The following UMAD1 variants were observed in gnomAD, a reference collection of about 807,000 sequenced individuals.
The protein encoded by UMAD1 is UBAP1-MVB12-associated (UMA) domain containing 1, also known as UBAP1-MVB12-associated (UMA)-domain containing protein 1.
In UMAD1, 8 loss-of-function variants were observed where a neutral mutation model predicts 6.1. That is an observed-to-expected ratio of 1.30 (90% CI 0.76 to 2.35). UMAD1 has a LOEUF of 2.35. Among genes scored for constraint, UMAD1 ranks in the 30% most tolerant of loss-of-function variants. The pLI is 0.00. For missense variants in UMAD1, 130 were observed against 78.4 expected (o/e 1.66, Z -2.49); for synonymous variants, 56 against 31.4 (o/e 1.78, Z -2.61).
intron 3 of UMAD1, among the ~76,000 whole-genome samples, chr7:7,809,311 T>C (rs1449260689): frequency 6.6e-6 from 1 of 152,024 alleles, no homozygotes; most frequent in East Asian, 1.9e-4. Flanking sequence ...TCTTTTGAGC[T>C]AGGTATGGAA....
chr7:7,695,944 A>G (rs189412634), intron 2 of UMAD1, among the ~76,000 whole-genome samples: 215 of 150,644 alleles, frequency 1.4e-3, no homozygotes, highest in African/African-American at 4.6e-3. Context: ...ACCTTTGTCT[A>G]TAGGAGGCTC....
At chr7:7,675,354 A>C (rs1218887753) in intron 2 of UMAD1, among the ~76,000 whole-genome samples, 2 of 152,068 alleles carry the variant, frequency 1.3e-5, no homozygotes, top group Admixed American at 6.6e-5. Context: ...TCTGAGACAA[A>C]TTTTAACCAC....
chr7:7,798,393 T>C (rs552726989), intron 2 of UMAD1, among the ~76,000 whole-genome samples: 10 of 152,346 alleles, frequency 6.6e-5, no homozygotes, highest in African/African-American at 2.4e-4. Flanking sequence ...GGATAATTTT[T>C]ACATCTTGTA....
intron 2 of UMAD1, among the ~76,000 whole-genome samples, chr7:7,710,802 C>T (rs2115169194): frequency 6.6e-6 from 1 of 152,244 alleles, no homozygotes; most frequent in East Asian, 1.9e-4. Flanking sequence ...TATCCTTCAA[C>T]AGGTGAATGG....
chr7:7,817,926 A>T (rs534784184), intron 3 of UMAD1, among the ~76,000 whole-genome samples: 2 of 151,872 alleles, frequency 1.3e-5, no homozygotes, highest in Admixed American at 1.3e-4. Context: ...TGATCTTCTC[A>T]CCTCAGCCTC....
chr7:7,681,011 T>A (rs78778114), intron 2 of UMAD1, among the ~76,000 whole-genome samples: 2,730 of 152,256 alleles, frequency 0.018, 81 homozygotes, highest in African/African-American at 0.063. Flanking sequence ...GTGCAATACG[T>A]ACATTACAGA....
chr7:7,786,151 T>A (rs1782457164), intron 2 of UMAD1, among the ~76,000 whole-genome samples: 1 of 152,212 alleles, frequency 6.6e-6, no homozygotes, highest in South Asian at 2.1e-4. Context: ...TTTGTCCCAG[T>A]GATGTCCTTT....
intron 3 of UMAD1, among the ~76,000 whole-genome samples, chr7:7,815,281 G>A (rs1783104288): frequency 6.6e-6 from 1 of 152,062 alleles, no homozygotes; most frequent in Admixed American, 6.5e-5. Flanking sequence ...GAGTCAATAT[G>A]TAATATTTAT....
At chr7:7,730,221 C>T (rs867948283) in intron 2 of UMAD1, among the ~76,000 whole-genome samples, 1 of 152,178 alleles carries the variant, frequency 6.6e-6, no homozygotes, top group Non-Finnish European at 1.5e-5. Flanking sequence ...GAATTTCAAC[C>T]TTGGCTGTAC....
chr7:7,683,003 T>C (rs1419843074), intron 2 of UMAD1, among the ~76,000 whole-genome samples: 2 of 152,186 alleles, frequency 1.3e-5, no homozygotes, highest in African/African-American at 4.8e-5. Flanking sequence ...GGTGAAAAAG[T>C]TAGGTTAGGC....
intron 3 of UMAD1, among the ~76,000 whole-genome samples, chr7:7,850,662 G>GT (rs1783894170): frequency 6.6e-6 from 1 of 151,922 alleles, no homozygotes; most frequent in African/African-American, 2.4e-5. Context: ...GTAATTCCAT[G>GT]TTTTGACAAT....
intron 1 of UMAD1, among the ~76,000 whole-genome samples, chr7:7,643,681 C>T (rs1305429178): frequency 6.7e-6 from 1 of 149,254 alleles, no homozygotes; most frequent in African/African-American, 2.5e-5. Flanking sequence ...CACTTCACTC[C>T]AACCTGGGCC....
At chr7:7,797,469 C>G (rs1782709510) in intron 2 of UMAD1, among the ~76,000 whole-genome samples, 1 of 152,152 alleles carries the variant, frequency 6.6e-6, no homozygotes, top group Non-Finnish European at 1.5e-5. Context: ...CCACCTACCA[C>G]CAACCCCTTC....
chr7:7,792,630 C>T (rs1325728529), intron 2 of UMAD1, among the ~76,000 whole-genome samples: 1 of 152,206 alleles, frequency 6.6e-6, no homozygotes, highest in Non-Finnish European at 1.5e-5. Context: ...TAAAGCCTAC[C>T]TCACAATGCT....
Position 7,678,664 on chromosome 7 carries a change from T to G in UMAD1, c.82+5211T>G, listed in dbSNP as rs1298383895. On this transcript the variant is annotated intron_variant, in intron 2 of 3. Transcript: ENST00000682710. ...TAAATATATATTTATATATTTAGTTTATAAATATATATTTATATATTTAGT... is the reference window on the plus strand; with the variant it reads ...TAAATATATATTTATATATTTAGTTGATAAATATATATTTATATATTTAGT... 7.1e-5 allele frequency among the ~76,000 whole-genome samples: 9 copies of G among 127,202 alleles called. No individual in the cohort carries two copies. In the South Asian group the frequency reaches 1.9e-3, roughly 26 times the overall value. The allele number at this position is 127,202 out of a possible 152,430, so 83.4% of individuals were successfully genotyped here.
intron 1 of UMAD1, among the ~76,000 whole-genome samples, chr7:7,663,361 TTTAA>T (rs1227213090): frequency 6.6e-6 from 1 of 152,324 alleles, no homozygotes; most frequent in South Asian, 2.1e-4. Context: ...TGTTAATCAA[TTTAA>T]TTAATTAGTT....
intron 2 of UMAD1, among the ~76,000 whole-genome samples, chr7:7,781,736 C>T (rs1477353698): frequency 6.6e-6 from 1 of 151,772 alleles, no homozygotes; most frequent in Non-Finnish European, 1.5e-5. Context: ...TGTATTCATC[C>T]TTTTTAGCAA....
intron 2 of UMAD1, among the ~76,000 whole-genome samples, chr7:7,781,745 A>G (rs573856062): frequency 6.6e-6 from 1 of 152,172 alleles, no homozygotes; most frequent in South Asian, 2.1e-4. Context: ...CCTTTTTAGC[A>G]AGCTCTTATT....
At chr7:7,785,068 A>G (rs889676500) in intron 2 of UMAD1, among the ~76,000 whole-genome samples, 2 of 152,142 alleles carry the variant, frequency 1.3e-5, no homozygotes, top group South Asian at 4.1e-4. Context: ...GTCATTTCCA[A>G]GTGTCTAAAG....
Sources: gnomAD v4.1 joint callset for allele counts (sites outside exome capture counted in the v4.1 genomes callset) on GRCh38, gnomAD v4.1.1 for gene constraint, MANE v1.5 for transcripts, NCBI Gene and HGNC (gene_info 2026-07-23, HGNC 2026-07-21) for gene names.